Variants in ABCA13 observed in about 807,000 individuals in gnomAD.
The protein encoded by ABCA13 is ATP binding cassette subfamily A member 13, also known as ATP-binding cassette sub-family A member 13.
ABCA13 carries 476 observed loss-of-function variants against 478.7 expected under a neutral mutation model. The observed-to-expected ratio is 0.99, with a 90% CI of 0.92 to 1.07. The LOEUF (loss-of-function observed/expected upper bound fraction) is 1.07, where lower values mean the gene tolerates loss of function less well. Ranked by LOEUF, ABCA13 falls within the 50% of genes least tolerant of loss-of-function variation. The pLI is 0.00. For missense variants in ABCA13, 6,060 were observed against 5,910.6 expected (o/e 1.03, Z -0.83); for synonymous variants, 2,252 against 2,158.9 (o/e 1.04, Z -1.20).
chr7:48,319,388 G>A (rs1584819285), intron 27 of ABCA13, among the ~76,000 whole-genome samples: 1 of 152,278 alleles, frequency 6.6e-6, no homozygotes, highest in Non-Finnish European at 1.5e-5. Flanking sequence ...TACCTGGGAT[G>A]AATTATCCTA....
chr7:48,416,418 G>A (rs754512572), intron 41 of ABCA13, among the ~76,000 whole-genome samples: 4 of 152,086 alleles, frequency 2.6e-5, no homozygotes, highest in Non-Finnish European at 4.4e-5. Flanking sequence ...GCAGGGCCAC[G>A]GGGAGTGGTT....
Position 48,404,387 on chromosome 7 carries a change from C to T in ABCA13, c.12070+508C>T, listed in dbSNP as rs368682230. 13 of 189,850 alleles carry T rather than the reference C, an allele frequency of 6.8e-5. No homozygotes were observed. The East Asian group carries it at 8.8e-4, about 13-fold the overall frequency. The allele number at this position is 189,850 out of a possible 1,614,324, so 11.8% of individuals were successfully genotyped here. On this transcript the variant is annotated intron_variant, in intron 39 of 61. Transcript: ENST00000435803. ...CATTTGATGGGCAGTTACTAATTTC[C>T]AACTTCTGATTCTTTCTGCAATCCT...
chr7:48,562,296 C>A (rs1009596989), intron 55 of ABCA13, among the ~76,000 whole-genome samples: 1 of 146,760 alleles, frequency 6.8e-6, no homozygotes, highest in East Asian at 2.0e-4. Flanking sequence ...TTTTTGTGGG[C>A]TGAGTTTTTA....
In ABCA13 at chr7:48,278,252, T is replaced by G. The variant is rs377299788; in HGVS notation, c.7058T>G (p.Phe2353Cys). ...SFILDNGEFY[F>C]DTHQGLKFMQ... ...ATATTAGACAATGGAGAATTTTATT[T>G]TGATACTCATCAAGGACTGAAGTTC... is the stretch of plus-strand genomic sequence containing the variant. The change falls in exon 18 of 62, where the codon TTT becomes TGT. Residue 2353 changes from phenylalanine to cysteine, a missense_variant. Around this residue, in one of 3 missense-constraint regions of ABCA13, gnomAD observed 4,423 missense variants for 4,309.1 expected, o/e 1.03. Transcript: ENST00000435803. 42 of 1,610,930 alleles carry G rather than the reference T, an allele frequency of 2.6e-5. No individual in the cohort carries two copies. The highest frequency in any genetic ancestry group is 3.5e-5 in the Non-Finnish European group (41 of 1,178,088).
At chr7:48,556,713 TTTC>T (rs1388846573) in intron 55 of ABCA13, among the ~76,000 whole-genome samples, 1 of 152,010 alleles carries the variant, frequency 6.6e-6, no homozygotes, top group Non-Finnish European at 1.5e-5. Context: ...GAAAAATGTA[TTTC>T]TTGTAGGCAG....
chr7:48,499,259 G>A (rs1830531818), intron 48 of ABCA13, among the ~76,000 whole-genome samples: 2 of 152,130 alleles, frequency 1.3e-5, no homozygotes, highest in South Asian at 4.1e-4. Flanking sequence ...TAGTTTGTTA[G>A]ATTGAATTAA....
intron 53 of ABCA13, 88 bp from the exon 54 acceptor site, chr7:48,524,160 T>C: frequency 7.7e-7 from 1 of 1,299,288 alleles, no homozygotes; most frequent in Non-Finnish European, 1.0e-6. Flanking sequence ...ATCTTCAATT[T>C]TTTACAAATC....
intron 46 of ABCA13, among the ~76,000 whole-genome samples, chr7:48,482,379 T>A (rs548815357): frequency 7.3e-6 from 1 of 136,228 alleles, no homozygotes; most frequent in Non-Finnish European, 1.6e-5. Flanking sequence ...TGACCACTAT[T>A]AAGAAATTTT....
rs192583039 is a variant in ABCA13, at chr7:48,258,223, C to T, written c.2005+8872C>T. Among the ~76,000 whole-genome samples, 16 of 152,208 alleles carry T rather than the reference C, an allele frequency of 1.1e-4. No homozygotes were observed. In the East Asian group the frequency reaches 3.1e-3, roughly 29 times the overall value. On this transcript the variant is annotated intron_variant, in intron 15 of 61. Coordinates refer to ENST00000435803, the MANE Select transcript of ABCA13 (RefSeq NM_152701.5). ...ACAGGTGTGAAATACTATGCCTGACCTTTTTGGTAGTCTTTTAAATTACTG... is the reference window on the plus strand; with the variant it reads ...ACAGGTGTGAAATACTATGCCTGACTTTTTTGGTAGTCTTTTAAATTACTG...
At chr7:48,309,867 C>A (rs566066440) in intron 23 of ABCA13, 80 bp from the exon 24 acceptor site, 2 of 1,520,012 alleles carry the variant, frequency 1.3e-6, no homozygotes, top group South Asian at 1.2e-5. Context: ...CGACTCCCTG[C>A]CGATGAAGCT....
At chr7:48,642,396 A>G (rs1276185459) in intron 59 of ABCA13, among the ~76,000 whole-genome samples, 2 of 152,206 alleles carry the variant, frequency 1.3e-5, no homozygotes, top group African/African-American at 4.8e-5. Context: ...TGAGATGAGT[A>G]TGATTGCTAA....
At chr7:48,359,530 G>C (rs1313601075) in intron 31 of ABCA13, among the ~76,000 whole-genome samples, 1 of 151,938 alleles carries the variant, frequency 6.6e-6, no homozygotes, top group African/African-American at 2.4e-5. Flanking sequence ...GAGGCCAAAT[G>C]CACTGGTCCT....
chr7:48,500,620 A>T (rs1830657779), intron 48 of ABCA13, among the ~76,000 whole-genome samples: 1 of 152,194 alleles, frequency 6.6e-6, no homozygotes, highest in African/African-American at 2.4e-5. Flanking sequence ...TAATGTAGTG[A>T]TTGATAAGCT....
intron 1 of ABCA13, among the ~76,000 whole-genome samples, chr7:48,173,365 C>A (rs1212545249): frequency 6.6e-6 from 1 of 152,248 alleles, no homozygotes; most frequent in Middle Eastern, 3.4e-3. Flanking sequence ...TTCTCCAGCA[C>A]CCAGAACAGT....
intron 37 of ABCA13, 135 bp downstream of exon 37, chr7:48,389,355 G>A (rs1815688539): frequency 1.1e-5 from 11 of 1,008,540 alleles, no homozygotes; most frequent in Non-Finnish European, 1.1e-5. Context: ...AGAGACACGG[G>A]TGAAAGGCAG....
At chr7:48,365,974 T>C (rs1460621085) in intron 31 of ABCA13, among the ~76,000 whole-genome samples, 1 of 151,942 alleles carries the variant, frequency 6.6e-6, no homozygotes, top group South Asian at 2.1e-4. Flanking sequence ...CCAATGACAT[T>C]CCTCACAGAA....
chr7:48,517,507 C>A (rs1484669805), intron 52 of ABCA13, among the ~76,000 whole-genome samples: 1 of 152,156 alleles, frequency 6.6e-6, no homozygotes, highest in Non-Finnish European at 1.5e-5. Flanking sequence ...ATTAGCAAGT[C>A]ATTTCTTAAA....
intron 41 of ABCA13, among the ~76,000 whole-genome samples, chr7:48,421,214 A>G (rs939564526): frequency 4.2e-4 from 61 of 146,822 alleles, no homozygotes; most frequent in African/African-American, 1.5e-3. Flanking sequence ...TTTTTTTTTG[A>G]GGATATATTT....
intron 20 of ABCA13, among the ~76,000 whole-genome samples, chr7:48,289,625 C>T (rs1798233754): frequency 6.6e-6 from 1 of 152,084 alleles, no homozygotes; most frequent in Non-Finnish European, 1.5e-5. Context: ...TCCCAAAGTG[C>T]TGGGATTACA....
Sources: gnomAD v4.1 joint callset for allele counts (sites outside exome capture counted in the v4.1 genomes callset) on GRCh38, gnomAD v4.1.1 for gene constraint, gnomAD v4.1.1 regional missense constraint, MANE v1.5 for transcripts, NCBI Gene and HGNC (gene_info 2026-07-23, HGNC 2026-07-21) for gene names.